The following ZNF888 variants were observed in gnomAD, a reference collection of about 807,000 sequenced individuals.
ZNF888 encodes the protein zinc finger protein 888, also known as CTD-2331H12.6.
A neutral mutation model predicts 7.2 loss-of-function variants in ZNF888; 5 were observed. That is an observed-to-expected ratio of 0.70 (90% CI 0.36 to 1.46). The LOEUF is 1.46. Ranked by LOEUF, ZNF888 falls within the 40% of genes most tolerant of loss-of-function variation. ZNF888 has a pLI of 0.03. For synonymous variants in ZNF888, 240 were observed against 284.3 expected, an observed-to-expected ratio of 0.84 and a Z score of 1.57; for missense variants, 716 against 858.0, an observed-to-expected ratio of 0.83 and a Z score of 2.07.
chr19:52,917,780 CAGAGA>C, intron 3 of ZNF888, 74 bp downstream of exon 3: 1 of 1,605,876 alleles, frequency 6.2e-7, no homozygotes, highest in Non-Finnish European at 8.5e-7. Context: ...GCTTCAGACT[CAGAGA>C]AGTTTCCCAA....
intron 3 of ZNF888, chr19:52,917,360 G>T: frequency 3.9e-6 from 1 of 255,708 alleles, no homozygotes; most frequent in South Asian, 5.6e-5. Context: ...TTGTATTTTT[G>T]CTAGAGACAG....
chr19:52,906,224 G>A lies in ZNF888; in HGVS notation c.2098C>T (p.Arg700Cys), dbSNP rs1008209697. Reference protein sequence around the residue: ...FKCSECGKAFRAQSTLIHHQA... With the variant: ...FKCSECGKAFCAQSTLIHHQA... ...TGGTGAATAAGTGTTGACTGTGCACGAAAGGCTTTGCCACACTCACTACAC... is the reference window on the plus strand; with the variant it reads ...TGGTGAATAAGTGTTGACTGTGCACAAAAGGCTTTGCCACACTCACTACAC... The change falls in exon 5 of 5, where the codon CGT becomes TGT. Residue 700 changes from arginine to cysteine, a missense_variant. This residue lies in a region of ZNF888 where 697 missense variants were observed against 803.4 expected (regional missense o/e 0.87). Coordinates refer to ENST00000638862, the MANE Select transcript of ZNF888 (RefSeq NM_001393938.1). 16 of 1,609,690 alleles carry A rather than the reference G, an allele frequency of 9.9e-6. No homozygotes were observed. The highest frequency in any genetic ancestry group is 3.3e-5 in the Admixed American group (2 of 59,896).
At chr19:52,921,424 C>A (rs1452256547) in intron 1 of ZNF888, among the ~76,000 whole-genome samples, 1 of 152,100 alleles carries the variant, frequency 6.6e-6, no homozygotes. Flanking sequence ...CACCGAGTTA[C>A]CCTGAGAAGG....
chr19:52,913,482 G>A (rs558610380), intron 4 of ZNF888, among the ~76,000 whole-genome samples: 1 of 152,070 alleles, frequency 6.6e-6, no homozygotes, highest in East Asian at 1.9e-4. Context: ...CCACCACAGT[G>A]CCTGGCTAAG....
intron 4 of ZNF888, among the ~76,000 whole-genome samples, chr19:52,912,356 G>GC (rs997869678): frequency 6.9e-6 from 1 of 143,944 alleles, no homozygotes. Flanking sequence ...CTCGTGATCC[G>GC]CCCCCCTCGG....
rs1346081764 is a variant in ZNF888, at chr19:52,917,564, A to G, written c.15+295T>C. 2.6e-5 allele frequency among the ~76,000 whole-genome samples: 4 copies of G among 152,252 alleles called. No individual in the cohort carries two copies. In the East Asian group the frequency reaches 7.7e-4, roughly 29 times the overall value. On this transcript the variant is annotated intron_variant, in intron 3 of 4. Transcript: ENST00000638862. ...ACAGTGCATCCAGATGCGGCCCTGA[A>G]CAATCCCTGCCGCCCAACACCACTG...
intron 1 of ZNF888, 76 bp downstream of exon 1, chr19:52,923,293 G>A (rs942938709): frequency 1.2e-4 from 117 of 985,382 alleles, no homozygotes; most frequent in Non-Finnish European, 1.3e-4. Flanking sequence ...CAGGTCTGTG[G>A]AGACCCCACA....
chr19:52,918,269 T>G, intron 2 of ZNF888: 1 of 933,142 alleles, frequency 1.1e-6, no homozygotes. Context: ...GTAGGTACAT[T>G]GCTTGAGCTC....
rs1477805217 is a variant in ZNF888, at chr19:52,919,499, C to G, written c.-177-562G>C. The stretch of plus-strand genomic sequence containing the variant: ...GGCTGGAGTGCAGTGGCGTGATCTC[C>G]GCTCGCTACAACCTCCACCTCCCAG... On this transcript the variant is annotated intron_variant, in intron 1 of 4. Coordinates refer to ENST00000638862, the MANE Select transcript of ZNF888 (RefSeq NM_001393938.1). Among the ~76,000 whole-genome samples, 7 of 69,728 alleles carry G rather than the reference C, an allele frequency of 1.0e-4. 3 individuals are homozygous for G. The highest frequency in any genetic ancestry group is 3.2e-4 in the African/African-American group (7 of 22,104). The allele number at this position is 69,728 out of a possible 152,430, so 45.7% of individuals were successfully genotyped here.
chr19:52,919,941 A>G (rs2064803329), intron 1 of ZNF888, among the ~76,000 whole-genome samples: 1 of 58,456 alleles, frequency 1.7e-5, no homozygotes, highest in South Asian at 5.0e-4. Context: ...CCGTCTGGGA[A>G]GTGAGGAGCC....
At chr19:52,913,824 A>G (rs959576617) in intron 4 of ZNF888, 12 of 813,128 alleles carry the variant, frequency 1.5e-5, no homozygotes, top group Middle Eastern at 6.2e-4. Flanking sequence ...CTAAAAGACA[A>G]AACTATTTAA....
At chr19:52,916,741 C>G (rs2064756322) in intron 3 of ZNF888, among the ~76,000 whole-genome samples, 1 of 151,506 alleles carries the variant, frequency 6.6e-6, no homozygotes, top group East Asian at 1.9e-4. Context: ...TGGGGGGAAT[C>G]TTGTCAGATC....
chr19:52,919,978 G>A lies in ZNF888; in HGVS notation c.-177-1041C>T, dbSNP rs1364479619. On this transcript the variant is annotated intron_variant, in intron 1 of 4. Coordinates refer to ENST00000638862, the MANE Select transcript of ZNF888 (RefSeq NM_001393938.1). ...CTCTGCCCGGCCAGCCGCCCCGTCC[G>A]GGAGGTGAGGGGCGCCTCTGCCCGG... Among the ~76,000 whole-genome samples, 29 of 49,846 alleles carry A rather than the reference G, an allele frequency of 5.8e-4. 6 individuals carry two copies. The highest frequency in any genetic ancestry group is 9.4e-4 in the African/African-American group (11 of 11,686). 32.7% of individuals were successfully genotyped at this position (49,846 alleles called of 152,430 possible).
At chr19:52,919,950 C>T (rs1266228482) in intron 1 of ZNF888, among the ~76,000 whole-genome samples, 1 of 53,466 alleles carries the variant, frequency 1.9e-5, no homozygotes, top group Non-Finnish European at 4.1e-5. Context: ...AAGTGAGGAG[C>T]CCCTCTGCCC....
chr19:52,919,913 C>G (rs1434715185), intron 1 of ZNF888, among the ~76,000 whole-genome samples: 1 of 60,088 alleles, frequency 1.7e-5, no homozygotes, highest in Middle Eastern at 5.8e-3. Context: ...TGAGGAGCCC[C>G]TCCGTCCGGC....
At chr19:52,912,922 A>G (rs1192228433) in intron 4 of ZNF888, among the ~76,000 whole-genome samples, 1 of 152,104 alleles carries the variant, frequency 6.6e-6, no homozygotes, top group African/African-American at 2.4e-5. Flanking sequence ...ACCCTAACCT[A>G]CAAGGAGAAA....
intron 4 of ZNF888, among the ~76,000 whole-genome samples, chr19:52,909,154 A>G (rs1316046784): frequency 6.7e-6 from 1 of 149,830 alleles, no homozygotes; most frequent in Non-Finnish European, 1.5e-5. Flanking sequence ...CAAAAAAAAA[A>G]GAAAATGTTA....
At position 52,907,470 on chromosome 19, in the gene ZNF888, G is replaced by T; in HGVS notation, c.852C>A (p.Tyr284Ter). The stretch of plus-strand genomic sequence containing the variant: ...TATGACGTCTATAATGACGTGCAAG[G>T]TATGCTTTTTTATTAAAAACCTTGC... ...KCGKVFNKKA[Y>*]LARHYRRHTG... Residue 284 changes from tyrosine (Y) to a stop codon, truncating the protein, a stop_gained, in exon 5 of 5, where the codon TAC becomes TAA. Coordinates refer to ENST00000638862, the MANE Select transcript of ZNF888 (RefSeq NM_001393938.1). LOFTEE classifies it low-confidence loss of function (END_TRUNC). 1 of 1,604,718 alleles carries T rather than the reference G, an allele frequency of 6.2e-7. No individual in the cohort carries two copies.
rs1362351078 is a variant in ZNF888, at chr19:52,919,631, G to T, written c.-177-694C>A. Among the ~76,000 whole-genome samples the T allele has an allele frequency of 8.6e-5, 6 of 69,578 alleles. 1 individual carries two copies. The highest frequency in any genetic ancestry group is 2.7e-4 in the African/African-American group (6 of 21,928). The allele number at this position is 69,578 out of a possible 152,430, so 45.6% of individuals were successfully genotyped here. A position where few individuals can be genotyped will look rare whatever the true frequency, so the allele number is the denominator to read the frequency against. On this transcript the variant is annotated intron_variant, in intron 1 of 4. Coordinates refer to ENST00000638862, the MANE Select transcript of ZNF888 (RefSeq NM_001393938.1). Reference sequence around the variant, plus strand: ...TGCCTGGCTGCCCAGTCTGGAAAGTGAGGAGCGTCTCTGCCCGGCCGCCAT... The same window carrying T: ...TGCCTGGCTGCCCAGTCTGGAAAGTTAGGAGCGTCTCTGCCCGGCCGCCAT...
Sources: gnomAD v4.1 joint callset for allele counts (sites outside exome capture counted in the v4.1 genomes callset) on GRCh38, gnomAD v4.1.1 for gene constraint, gnomAD v4.1.1 regional missense constraint, MANE v1.5 for transcripts, NCBI Gene and HGNC (gene_info 2026-07-23, HGNC 2026-07-21) for gene names.